The following UBE3A variants were observed in gnomAD, a reference collection of about 807,000 sequenced individuals.
UBE3A encodes the protein ubiquitin-protein ligase E3A.
Under a neutral mutation model 83.4 loss-of-function variants are expected in UBE3A, and 6 were observed. The observed-to-expected ratio is 0.07, with a 90% CI of 0.04 to 0.14. The LOEUF is 0.14. Ranked by LOEUF, UBE3A falls within the 10% of genes least tolerant of loss-of-function variation. The pLI is 1.00. For synonymous variants in UBE3A, 337 were observed against 355.4 expected, an observed-to-expected ratio of 0.95 and a Z score of 0.58; for missense variants, 456 against 1,036.1, an observed-to-expected ratio of 0.44 and a Z score of 7.69.
rs1338627097 is a variant in UBE3A, at chr15:25,350,313, C to T, written c.2354+4040G>A. Among the ~76,000 whole-genome samples, 8 of 146,882 alleles carry T rather than the reference C, an allele frequency of 5.4e-5. No homozygotes were observed. The East Asian group carries it at 1.6e-3, about 29-fold the overall frequency. Reference sequence around the variant, plus strand: ...CTTTGTCTCTTTAAAAAAAAAAAAACCAACGAACCAACCAACCAACTCTCC... The same window carrying T: ...CTTTGTCTCTTTAAAAAAAAAAAAATCAACGAACCAACCAACCAACTCTCC... On this transcript the variant is annotated intron_variant, in intron 11 of 12. Transcript: ENST00000648336.
At chr15:25,367,852 C>CTAA (rs2079579039) in intron 6 of UBE3A, among the ~76,000 whole-genome samples, 1 of 151,968 alleles carries the variant, frequency 6.6e-6, no homozygotes, top group Non-Finnish European at 1.5e-5. Context: ...AAAAAATCCA[C>CTAA]AATTATTAAT....
intron 7 of UBE3A, chr15:25,357,503 C>T (rs1334719416): frequency 2.0e-5 from 3 of 152,292 alleles, no homozygotes; most frequent in African/African-American, 7.2e-5. Flanking sequence ...TGTGCACCAC[C>T]ACGCCAGCTA....
At chr15:25,364,645 G>GTTTTT (rs759514427) in intron 6 of UBE3A, among the ~76,000 whole-genome samples, 3 of 97,640 alleles carry the variant, frequency 3.1e-5, no homozygotes, top group Non-Finnish European at 4.4e-5. Flanking sequence ...TTTTTTGTTT[G>GTTTTT]TTTTTTTTTT....
At position 25,351,447 on chromosome 15, in the gene UBE3A, T is replaced by C. The variant is rs558565857; in HGVS notation, c.2354+2906A>G. Among the ~76,000 whole-genome samples the C allele has an allele frequency of 2.2e-4, 33 of 152,274 alleles. No individual in the cohort carries two copies. The South Asian group carries it at 6.4e-3, about 30-fold the overall frequency. ...CTACAAACCAACATCTATGAAGTAT[T>C]TGGGAAGGAAATAAACTCTGAATCT... On this transcript the variant is annotated intron_variant, in intron 11 of 12. Transcript: ENST00000648336.
chr15:25,414,632 C>A (rs1476169101), intron 1 of UBE3A, among the ~76,000 whole-genome samples: 1 of 152,196 alleles, frequency 6.6e-6, no homozygotes. Flanking sequence ...CACTATCAGT[C>A]CAGCTGCTCA....
intron 5 of UBE3A, chr15:25,374,759 G>A (rs2080914028): frequency 6.6e-6 from 1 of 152,340 alleles, no homozygotes; most frequent in African/African-American, 2.4e-5. Flanking sequence ...GTGTAGGGGT[G>A]AGAGTGGAGG....
intron 1 of UBE3A, among the ~76,000 whole-genome samples, chr15:25,425,884 A>G (rs983580519): frequency 6.6e-6 from 1 of 152,170 alleles, no homozygotes; most frequent in Non-Finnish European, 1.5e-5. Context: ...TAACATTTAA[A>G]ACTGAGCCCA....
intron 4 of UBE3A, among the ~76,000 whole-genome samples, chr15:25,395,401 G>A (rs2085325939): frequency 6.6e-6 from 1 of 152,156 alleles, no homozygotes; most frequent in South Asian, 2.1e-4. Flanking sequence ...GCCAAAAGAT[G>A]ATGCCTTTAA....
chr15:25,404,131 A>T (rs1251561641), intron 4 of UBE3A, among the ~76,000 whole-genome samples: 1 of 152,212 alleles, frequency 6.6e-6, no homozygotes, highest in East Asian at 1.9e-4. Context: ...CTTAAAAGAC[A>T]AGTCACATGG....
rs1037955565 is a variant in UBE3A at position 25,359,462 on chromosome 15, T to A, written c.1753+921A>T. Among the ~76,000 whole-genome samples the A allele has an allele frequency of 2.4e-3, 347 of 144,434 alleles. 1 individual carries two copies. The highest frequency in any genetic ancestry group is 3.6e-3 in the Non-Finnish European group (240 of 66,348). 94.8% of individuals were successfully genotyped at this position (144,434 alleles called of 152,430 possible). A position where few individuals can be genotyped will look rare whatever the true frequency, so the allele number is the denominator to read the frequency against. ...GTGTGTGTGTGTGTGTGTGTGTGTG[T>A]GACTAAGAACAGTAACAGAAAGGTC... is the stretch of plus-strand genomic sequence containing the variant. On this transcript the variant is annotated intron_variant, in intron 7 of 12. Coordinates refer to ENST00000648336, the MANE Select transcript of UBE3A (RefSeq NM_130839.5).
chr15:25,368,642 T>A (rs150020186), intron 6 of UBE3A, among the ~76,000 whole-genome samples: 1 of 152,146 alleles, frequency 6.6e-6, no homozygotes, highest in Non-Finnish European at 1.5e-5. Context: ...AATTTTGATA[T>A]AATTAAGCAG....
At chr15:25,391,050 C>A (rs1213479528) in intron 4 of UBE3A, among the ~76,000 whole-genome samples, 1 of 151,998 alleles carries the variant, frequency 6.6e-6, no homozygotes, top group African/African-American at 2.4e-5. Context: ...TATTTGTATA[C>A]CCATGTTTAT....
At chr15:25,436,875 CAG>C (rs1895258777) in intron 1 of UBE3A, among the ~76,000 whole-genome samples, 1 of 152,148 alleles carries the variant, frequency 6.6e-6, no homozygotes, top group African/African-American at 2.4e-5. Flanking sequence ...TCCTCAGGGA[CAG>C]GGGCAATGTC....
At chr15:25,415,653 C>G (rs1017546660) in intron 1 of UBE3A, 2 of 152,016 alleles carry the variant, frequency 1.3e-5, no homozygotes, top group Non-Finnish European at 2.9e-5. Flanking sequence ...TCTTATTATA[C>G]ATTCTTAATA....
Position 25,338,523 on chromosome 15 carries a change from T to TATTG in UBE3A, c.*610_*613dup, listed in dbSNP as rs961901491. 1.1e-3 allele frequency: 160 copies of TATTG among 152,224 alleles called. No homozygotes were observed. Among genetic ancestry groups the TATTG allele is most frequent in the African/African-American group, 3.2e-3 (132 of 41,554 alleles). The allele number at this position is 152,224 out of a possible 1,614,324, so 9.4% of individuals were successfully genotyped here. A position where few individuals can be genotyped will look rare whatever the true frequency, so the allele number is the denominator to read the frequency against. Reference sequence around the variant, plus strand: ...TTTCTCCCTTCCTTCCATCTTTCTTTATTGATTGATTCTCAAGATTTTGCA... The same window carrying TATTG: ...TTTCTCCCTTCCTTCCATCTTTCTTTATTGATTGATTGATTCTCAAGATTTTGCA... On this transcript the variant is annotated 3_prime_UTR_variant, in exon 13 of 13. Transcript: ENST00000648336.
intron 4 of UBE3A, among the ~76,000 whole-genome samples, chr15:25,382,857 G>A (rs774693572): frequency 8.6e-5 from 13 of 151,810 alleles, no homozygotes; most frequent in Non-Finnish European, 1.8e-4. Flanking sequence ...CTTTGAGAAC[G>A]GATAGACACA....
chr15:25,432,784 G>A (rs1893857295), intron 1 of UBE3A, among the ~76,000 whole-genome samples: 1 of 152,170 alleles, frequency 6.6e-6, no homozygotes, highest in Admixed American at 6.5e-5. Context: ...ACTTGTATGA[G>A]TGTTCAGGGC....
chr15:25,398,166 T>TCAAAAAAAAAAAAAAAAAAAAAAAAAAA (rs2086009720), intron 4 of UBE3A, among the ~76,000 whole-genome samples: 1 of 48,274 alleles, frequency 2.1e-5, no homozygotes, highest in African/African-American at 1.5e-4. Flanking sequence ...AGACTCTGTC[T>TCAAAAAAAAAAAAAAAAAAAAAAAAAAA]CAAAAAAAAA....
At chr15:25,342,516 G>A (rs1194230607) in intron 11 of UBE3A, among the ~76,000 whole-genome samples, 2 of 149,706 alleles carry the variant, frequency 1.3e-5, no homozygotes, top group African/African-American at 5.1e-5. Flanking sequence ...AAACAAGAAT[G>A]CATATATTTA....
Sources: allele counts gnomAD v4.1 joint callset (sites outside exome capture counted in the v4.1 genomes callset), GRCh38; gene constraint gnomAD v4.1.1; transcripts MANE v1.5; gene names NCBI Gene and HGNC (gene_info 2026-07-23, HGNC 2026-07-21).